MYO1D: variants seen among roughly 807,000 people sequenced by gnomAD.
MYO1D encodes the protein myosin ID, also known as unconventional myosin-Id.
In MYO1D, 83 loss-of-function variants were observed where a neutral mutation model predicts 122.0. The observed-to-expected ratio is 0.68, with a 90% CI of 0.57 to 0.82. The LOEUF (loss-of-function observed/expected upper bound fraction) is 0.82. Among genes scored for constraint, MYO1D ranks in the 40% least tolerant of loss-of-function variants. The pLI is 0.00. For missense variants in MYO1D, 1,157 were observed against 1,269.5 expected, an observed-to-expected ratio of 0.91 and a Z score of 1.35; for synonymous variants, 464 against 446.9, an observed-to-expected ratio of 1.04 and a Z score of -0.48.
intron 21 of MYO1D, among the ~76,000 whole-genome samples, chr17:32,563,937 G>C (rs2087149537): frequency 1.3e-5 from 2 of 152,212 alleles, no homozygotes; most frequent in African/African-American, 4.8e-5. Context: ...TTCTTGCTGG[G>C]CTAAAGGCTG....
chr17:32,513,282 G>T (rs553767506), intron 21 of MYO1D, among the ~76,000 whole-genome samples: 1 of 152,360 alleles, frequency 6.6e-6, no homozygotes, highest in African/African-American at 2.4e-5. Flanking sequence ...AGTCAAGGCA[G>T]AAAGAGCTGT....
chr17:32,789,208 G>A (rs1279363446), intron 1 of MYO1D, among the ~76,000 whole-genome samples: 1 of 152,140 alleles, frequency 6.6e-6, no homozygotes. Flanking sequence ...CAGATCTCTG[G>A]TGAACAGCAA....
At chr17:32,609,972 CTCATT>C (rs1451441124) in intron 20 of MYO1D, among the ~76,000 whole-genome samples, 2 of 152,180 alleles carry the variant, frequency 1.3e-5, no homozygotes, top group African/African-American at 4.8e-5. Context: ...ACGCTTCACT[CTCATT>C]TCATTATTTT....
At chr17:32,675,774 CT>C (rs2088799201) in intron 16 of MYO1D, among the ~76,000 whole-genome samples, 1 of 151,948 alleles carries the variant, frequency 6.6e-6, no homozygotes, top group Non-Finnish European at 1.5e-5. Context: ...TGTTGATGAT[CT>C]CTTGATACTG....
chr17:32,503,294 G>A (rs1335078472), intron 21 of MYO1D, among the ~76,000 whole-genome samples: 1 of 152,216 alleles, frequency 6.6e-6, no homozygotes, highest in Non-Finnish European at 1.5e-5. Context: ...AAGCCAACCA[G>A]GAAAGCGGGT....
chr17:32,782,589 C>T (rs933431053), intron 1 of MYO1D, among the ~76,000 whole-genome samples: 2 of 152,218 alleles, frequency 1.3e-5, no homozygotes, highest in African/African-American at 4.8e-5. Flanking sequence ...AACATTGCTA[C>T]TGAAATCACA....
At chr17:32,778,661 C>T in intron 2 of MYO1D, 88 bp from the exon 3 acceptor site, 1 of 1,167,064 alleles carries the variant, frequency 8.6e-7, no homozygotes, top group Non-Finnish European at 1.2e-6. Flanking sequence ...AAATCTGATA[C>T]TGGTGATGCA....
At chr17:32,708,611 A>G (rs1038454525) in intron 16 of MYO1D, among the ~76,000 whole-genome samples, 9 of 152,220 alleles carry the variant, frequency 5.9e-5, no homozygotes, top group African/African-American at 2.2e-4. Context: ...CGAAAAGCCC[A>G]GAGAAATTTC....
At chr17:32,836,108 T>C (rs777317707) in intron 1 of MYO1D, among the ~76,000 whole-genome samples, 29 of 152,338 alleles carry the variant, frequency 1.9e-4, no homozygotes, top group African/African-American at 6.3e-4. Flanking sequence ...AAGGGGGTTG[T>C]GTTTTACACT....
chr17:32,767,871 G>A, intron 6 of MYO1D, 119 bp from the exon 7 acceptor site: 3 of 650,556 alleles, frequency 4.6e-6, no homozygotes, highest in South Asian at 3.8e-5. Flanking sequence ...TTGAGGGGAT[G>A]GTGAGTCTCC....
Position 32,701,542 on chromosome 17 carries a change from G to A in MYO1D, c.2121+10446C>T, listed in dbSNP as rs182271805. Among the ~76,000 whole-genome samples the A allele has an allele frequency of 9.2e-5, 14 of 152,002 alleles. No homozygotes were observed. The East Asian group carries it at 2.7e-3, about 29-fold the overall frequency. On this transcript the variant is annotated intron_variant, in intron 16 of 21. Transcript: ENST00000318217. ...AATTCATCTATTCTTGATTTTTAAG[G>A]TACATTACTCTTTTTAAAATTTATT...
At chr17:32,498,349 T>G (rs1472624413) in intron 21 of MYO1D, 1 of 152,242 alleles carries the variant, frequency 6.6e-6, no homozygotes, top group African/African-American at 2.4e-5. Flanking sequence ...TCCTGATCCC[T>G]TTGAGGTCTT....
intron 16 of MYO1D, among the ~76,000 whole-genome samples, chr17:32,685,177 A>G (rs1290890658): frequency 2.0e-5 from 3 of 152,192 alleles, no homozygotes; most frequent in Admixed American, 1.3e-4. Flanking sequence ...TGAGAATGAT[A>G]TAATTCCTCT....
chr17:32,632,582 TATATACACACAC>T (rs1446938046), intron 20 of MYO1D: 1 of 96,724 alleles, frequency 1.0e-5, no homozygotes, highest in African/African-American at 5.6e-5. Flanking sequence ...TATATATATA[TATATACACACAC>T]ACACACACAC....
At chr17:32,509,743 C>A (rs1003477692) in intron 21 of MYO1D, among the ~76,000 whole-genome samples, 1 of 152,144 alleles carries the variant, frequency 6.6e-6, no homozygotes, top group Non-Finnish European at 1.5e-5. Flanking sequence ...CGTGCGCCAC[C>A]ACACCCAGCT....
At chr17:32,624,084 CT>C (rs2087889757) in intron 20 of MYO1D, among the ~76,000 whole-genome samples, 1 of 152,124 alleles carries the variant, frequency 6.6e-6, no homozygotes, top group South Asian at 2.1e-4. Context: ...GCAAGTCCAA[CT>C]TTTAACAGAT....
Position 32,636,816 on chromosome 17 carries a change from G to A in MYO1D, c.2709+1906C>T, listed in dbSNP as rs371959695. Among the ~76,000 whole-genome samples the A allele has an allele frequency of 1.7e-3, 253 of 152,308 alleles. 2 individuals are homozygous for A. Among genetic ancestry groups the A allele is most frequent in the African/African-American group, 5.9e-3 (244 of 41,566 alleles). On this transcript the variant is annotated intron_variant, in intron 20 of 21. Coordinates refer to ENST00000318217, the MANE Select transcript of MYO1D (RefSeq NM_015194.3). Reference sequence around the variant, plus strand: ...GGCACTTCCAGCCCTCTGTGAGTAAGGGCAAAGCAGGTTTGGCAGCCTGAG... The same window carrying A: ...GGCACTTCCAGCCCTCTGTGAGTAAAGGCAAAGCAGGTTTGGCAGCCTGAG...
At chr17:32,699,755 T>G (rs1265977291) in intron 16 of MYO1D, among the ~76,000 whole-genome samples, 1 of 152,210 alleles carries the variant, frequency 6.6e-6, no homozygotes, top group Non-Finnish European at 1.5e-5. Flanking sequence ...TATTGTTAAT[T>G]GTTGAATCTG....
At chr17:32,696,206 A>G (rs2089170220) in intron 16 of MYO1D, among the ~76,000 whole-genome samples, 1 of 152,230 alleles carries the variant, frequency 6.6e-6, no homozygotes, top group Admixed American at 6.5e-5. Flanking sequence ...GAGAATATGT[A>G]CAAAAATGTT....
Sources: allele counts gnomAD v4.1 joint callset (sites outside exome capture counted in the v4.1 genomes callset), GRCh38; gene constraint gnomAD v4.1.1; transcripts MANE v1.5; gene names NCBI Gene and HGNC (gene_info 2026-07-23, HGNC 2026-07-21).